TRIM68: variants seen among roughly 807,000 people sequenced by gnomAD.
The protein encoded by TRIM68 is E3 ubiquitin-protein ligase TRIM68.
Under a neutral mutation model 41.9 loss-of-function variants are expected in TRIM68, and 36 were observed. The observed-to-expected ratio is 0.86, with a 90% CI of 0.66 to 1.14. TRIM68 has a LOEUF of 1.14. Among genes scored for constraint, TRIM68 ranks in the 50% most tolerant of loss-of-function variants. The probability of loss-of-function intolerance (pLI) is 0.00; values close to 1 mark genes in which losing one functional copy is unlikely to be tolerated. For synonymous variants in TRIM68, 225 were observed against 224.6 expected, an observed-to-expected ratio of 1.00 and a Z score of -0.02; for missense variants, 632 against 605.1, an observed-to-expected ratio of 1.04 and a Z score of -0.47.
chr11:4,605,150 C>T lies in TRIM68; in HGVS notation c.355G>A (p.Ala119Thr), dbSNP rs1219907270. The T allele has an allele frequency of 1.7e-5, 28 of 1,614,226 alleles. No homozygotes were observed. Among genetic ancestry groups the T allele is most frequent in the Non-Finnish European group, 2.4e-5 (28 of 1,180,032 alleles). Residue 119 changes from alanine (A) to threonine (T), a missense_variant, in exon 2 of 7, where the codon GCC becomes ACC. Ala to Thr is a moderately conservative substitution (Grantham distance 58). Coordinates refer to ENST00000300747, the MANE Select transcript of TRIM68 (RefSeq NM_018073.8). ...TCATGCTCTGGGGACTGGCTGCAGG[C>T]CTCACACATTATCAAGACATCCTCT... is the stretch of plus-strand genomic sequence containing the variant. ...CKEDVLIMCE[A>T]CSQSPEHEAH...
chr11:4,601,929 C>T (rs1846495435), intron 4 of TRIM68: 1 of 781,660 alleles, frequency 1.3e-6, no homozygotes. Flanking sequence ...TGGAATGACG[C>T]CAGAGCTGCC....
chr11:4,601,231 C>A, intron 5 of TRIM68, 104 bp from the exon 6 acceptor site: 1 of 862,310 alleles, frequency 1.2e-6, no homozygotes, highest in South Asian at 1.4e-5. Flanking sequence ...TAGTGAACCC[C>A]AGCAAAGCAG....
At chr11:4,603,035 G>T (rs755500039) in intron 3 of TRIM68, among the ~76,000 whole-genome samples, 1 of 152,192 alleles carries the variant, frequency 6.6e-6, no homozygotes, top group Non-Finnish European at 1.5e-5. Context: ...AAGACCAGAG[G>T]TTATCCCTAC....
Position 4,600,002 on chromosome 11 carries a change from C to T in TRIM68, c.*274G>A, listed in dbSNP as rs115038309. 1,312 of 339,172 alleles carry T rather than the reference C, an allele frequency of 3.9e-3. 11 individuals carry two copies. The highest frequency in any genetic ancestry group is 0.021 in the African/African-American group (1,000 of 48,580). The allele number at this position is 339,172 out of a possible 1,614,324, so 21.0% of individuals were successfully genotyped here. ...GACAAAGTCCTGATCCTTACCCCAACGAGTCACCTTAGAACTGCTCTGATC... is the reference window on the plus strand; with the variant it reads ...GACAAAGTCCTGATCCTTACCCCAATGAGTCACCTTAGAACTGCTCTGATC... On this transcript the variant is annotated 3_prime_UTR_variant, in exon 7 of 7. Transcript: ENST00000300747.
rs1158482334 is a variant in TRIM68, at chr11:4,605,139, C to A, written c.366G>T (p.Gln122His). 4 of 1,614,136 alleles carry A rather than the reference C, an allele frequency of 2.5e-6. No homozygotes were observed. The highest frequency in any genetic ancestry group is 3.4e-6 in the Non-Finnish European group (4 of 1,180,056). ...DVLIMCEACS[Q>H]SPEHEAHSVV... ...CACTGTGGGCCTCATGCTCTGGGGACTGGCTGCAGGCCTCACACATTATCA... is the reference window on the plus strand; with the variant it reads ...CACTGTGGGCCTCATGCTCTGGGGAATGGCTGCAGGCCTCACACATTATCA... The change falls in exon 2 of 7, where the codon CAG becomes CAT. Residue 122 changes from glutamine (Q) to histidine (H), a missense_variant. By Grantham distance (24) the Gln-to-His change is conservative (BLOSUM62 0). Coordinates refer to ENST00000300747, the MANE Select transcript of TRIM68 (RefSeq NM_018073.8).
At chr11:4,601,777 A>C in intron 4 of TRIM68, 91 bp from the exon 5 acceptor site, 3 of 1,428,792 alleles carry the variant, frequency 2.1e-6, no homozygotes, top group Admixed American at 3.4e-5. Context: ...CTCTAGGGGA[A>C]GGGAGACAGA....
Position 4,599,496 on chromosome 11 carries a change from C to CA in TRIM68, c.*779dup, listed in dbSNP as rs879388008. ...TGGGCAACAGAGTGAGACTCCGTGT[C>CA]AAAAAAAAAGAAATAACTTGCTCCC... On this transcript the variant is annotated 3_prime_UTR_variant, in exon 7 of 7. Transcript: ENST00000300747. 31 of 150,558 alleles carry CA rather than the reference C, an allele frequency of 2.1e-4. 2 individuals carry two copies. Among genetic ancestry groups the CA allele is most frequent in the South Asian group, 1.5e-3 (7 of 4,748 alleles). The allele number at this position is 150,558 out of a possible 1,614,324, so 9.3% of individuals were successfully genotyped here. A position where few individuals can be genotyped will look rare whatever the true frequency, so the allele number is the denominator to read the frequency against.
Position 4,600,431 on chromosome 11 carries a change from A to T in TRIM68, c.1303T>A (p.Ser435Thr). 6.2e-7 allele frequency: 1 copy of T among 1,614,020 alleles called. No homozygotes were observed. The highest frequency in any genetic ancestry group is 1.1e-5 in the South Asian group (1 of 91,062). ...CCACAGTCAGTCACATTGTAGAAAG[A>T]AATGTCATGGGCCTCATAATCCACG... ...IFVDYEAHDI[S>T]FYNVTDCGSH... The change falls in exon 7 of 7, where the codon TCT becomes ACT. Residue 435 changes from serine to threonine, a missense_variant. Physicochemically the swap from Ser to Thr is moderately conservative, Grantham distance 58. Coordinates refer to ENST00000300747, the MANE Select transcript of TRIM68 (RefSeq NM_018073.8).
At chr11:4,604,799 A>G (rs573160485) in intron 2 of TRIM68, among the ~76,000 whole-genome samples, 10 of 152,292 alleles carry the variant, frequency 6.6e-5, no homozygotes, top group Admixed American at 5.9e-4. Context: ...TTAAAACCCA[A>G]ACTGTTTTCC....
chr11:4,601,555 C>T, intron 5 of TRIM68, 109 bp downstream of exon 5: 4 of 1,193,658 alleles, frequency 3.4e-6, no homozygotes, highest in Admixed American at 3.5e-5. Context: ...TGGACCAGCA[C>T]CTGCTTTTCT....
At chr11:4,602,496 T>G (rs1846509191) in intron 3 of TRIM68, 84 bp from the exon 4 acceptor site, 4 of 1,539,086 alleles carry the variant, frequency 2.6e-6, no homozygotes, top group East Asian at 4.6e-5. Context: ...ACACATACTC[T>G]GCAATGGTAC....
rs972985454 is a variant in TRIM68, at chr11:4,601,969, C to A, written c.783+183G>T. Reference sequence around the variant, plus strand: ...CACTGCCCCACCTATGATGCTACAACAGACCAGGTCATCCACCAGCCAGGG... The same window carrying A: ...CACTGCCCCACCTATGATGCTACAAAAGACCAGGTCATCCACCAGCCAGGG... On this transcript the variant is annotated intron_variant, in intron 4 of 6. Transcript: ENST00000300747. 3.2e-5 allele frequency: 29 copies of A among 913,730 alleles called. No individual in the cohort carries two copies. The African/African-American group carries it at 4.5e-4, about 14-fold the overall frequency. 56.6% of individuals were successfully genotyped at this position (913,730 alleles called of 1,614,324 possible). A position where few individuals can be genotyped will look rare whatever the true frequency, so the allele number is the denominator to read the frequency against.
chr11:4,600,804 A>C lies in TRIM68; in HGVS notation c.930T>G (p.Asp310Glu). Residue 310 changes from aspartate (D) to glutamate (E), a missense_variant, in exon 7 of 7, where the codon GAT (aspartate) becomes GAG (glutamate). Physicochemically the swap from Asp to Glu is conservative, Grantham distance 45 (BLOSUM62 2). Coordinates refer to ENST00000300747, the MANE Select transcript of TRIM68 (RefSeq NM_018073.8). The stretch of plus-strand genomic sequence containing the variant: ...ACACGATGAGACGGGAGTAAGCAGT[A>C]TCTGGATCCAAGCGCACATCAGCTA... ...TYAADVRLDP[D>E]TAYSRLIVSE... The C allele has an allele frequency of 1.2e-6, 2 of 1,613,672 alleles. No homozygotes were observed. Among genetic ancestry groups the C allele is most frequent in the South Asian group, 2.2e-5 (2 of 91,068 alleles).
intron 2 of TRIM68, among the ~76,000 whole-genome samples, 180 bp from the exon 3 acceptor site, chr11:4,603,520 G>A (rs2231967): frequency 0.021 from 3,150 of 152,342 alleles, 40 homozygotes; most frequent in Non-Finnish European, 0.032. Flanking sequence ...TCTCTGGGCT[G>A]AGAATCATTT....
chr11:4,600,871 G>A (rs1171071761), intron 6 of TRIM68, 45 bp from the exon 7 acceptor site: 2 of 1,588,410 alleles, frequency 1.3e-6, no homozygotes, highest in African/African-American at 1.3e-5. Flanking sequence ...TAGGGCCAGG[G>A]GACATGGGTG....
chr11:4,599,603 A>G lies in TRIM68; in HGVS notation c.*673T>C, dbSNP rs965248773. The G allele has an allele frequency of 3.3e-5, 5 of 152,250 alleles. No individual in the cohort carries two copies. The highest frequency in any genetic ancestry group is 6.5e-5 in the Admixed American group (1 of 15,292). The allele number at this position is 152,250 out of a possible 1,614,324, so 9.4% of individuals were successfully genotyped here. ...GGTTTTCTGATCCTGCCACTTAGAG[A>G]AAAAAGGCAAGACTAGGACACTGGT... On this transcript the variant is annotated 3_prime_UTR_variant, in exon 7 of 7. Coordinates refer to ENST00000300747, the MANE Select transcript of TRIM68 (RefSeq NM_018073.8).
intron 1 of TRIM68, 79 bp from the exon 2 acceptor site, chr11:4,605,640 T>G: frequency 1.1e-6 from 1 of 918,114 alleles, no homozygotes; most frequent in Non-Finnish European, 1.6e-6. Flanking sequence ...AATAATTAAT[T>G]TCTGGGGGAA....
intron 4 of TRIM68, 137 bp from the exon 5 acceptor site, chr11:4,601,823 A>G: frequency 1.9e-6 from 2 of 1,077,358 alleles, no homozygotes; most frequent in South Asian, 1.4e-5. Flanking sequence ...AGAGGTAAGG[A>G]GAAGCCTATG....
chr11:4,599,714 C>T lies in TRIM68; in HGVS notation c.*562G>A, dbSNP rs190837257. The stretch of plus-strand genomic sequence containing the variant: ...GGGTGGCTTGGGCAGGTCTGTGTCC[C>T]CCTGCTGCACTGAATTTCTCTTGCC... On this transcript the variant is annotated 3_prime_UTR_variant, in exon 7 of 7. Transcript: ENST00000300747. 1 of 152,520 alleles carries T rather than the reference C, an allele frequency of 6.6e-6. No individual in the cohort carries two copies. Among genetic ancestry groups the T allele is most frequent in the Non-Finnish European group, 1.5e-5 (1 of 68,308 alleles). 9.4% of individuals were successfully genotyped at this position (152,520 alleles called of 1,614,324 possible). A position where few individuals can be genotyped will look rare whatever the true frequency, so the allele number is the denominator to read the frequency against.
Sources: gnomAD v4.1 joint callset for allele counts (sites outside exome capture counted in the v4.1 genomes callset) on GRCh38, gnomAD v4.1.1 for gene constraint, MANE v1.5 for transcripts, NCBI Gene and HGNC (gene_info 2026-07-23, HGNC 2026-07-21) for gene names.